PLEKHA7: variants seen among roughly 807,000 people sequenced by gnomAD.
PLEKHA7 encodes pleckstrin homology domain-containing family A member 7.
Under a neutral mutation model 170.0 loss-of-function variants are expected in PLEKHA7, and 104 were observed. The observed-to-expected ratio is 0.61, with a 90% CI of 0.52 to 0.72. The LOEUF is 0.72. Ranked by LOEUF, PLEKHA7 falls within the 30% of genes least tolerant of loss-of-function variation. The pLI is 0.00. For synonymous variants in PLEKHA7, 648 were observed against 660.8 expected (o/e 0.98, Z 0.30); for missense variants, 1,615 against 1,671.7 (o/e 0.97, Z 0.59).
At chr11:16,806,317 G>A (rs1187362316) in intron 13 of PLEKHA7, among the ~76,000 whole-genome samples, 6 of 152,214 alleles carry the variant, frequency 3.9e-5, no homozygotes. Flanking sequence ...ATATCCACGT[G>A]TAGCGTATTA....
At chr11:16,960,274 C>T (rs535112706) in intron 3 of PLEKHA7, among the ~76,000 whole-genome samples, 70 of 152,314 alleles carry the variant, frequency 4.6e-4, no homozygotes, top group African/African-American at 1.6e-3. Flanking sequence ...AAGTCCCACC[C>T]GCCCTGGAGA....
intron 3 of PLEKHA7, among the ~76,000 whole-genome samples, chr11:16,904,113 G>T (rs547834674): frequency 6.6e-6 from 1 of 152,294 alleles, no homozygotes; most frequent in African/African-American, 2.4e-5. Flanking sequence ...TCCATTTTGG[G>T]CTCCCTCTTG....
intron 3 of PLEKHA7, among the ~76,000 whole-genome samples, chr11:16,909,032 C>CCTTTG (rs1172011774): frequency 2.0e-5 from 3 of 152,124 alleles, no homozygotes; most frequent in Admixed American, 2.0e-4. Context: ...TACTCTGTGA[C>CCTTTG]CTTAACCTGT....
intron 3 of PLEKHA7, among the ~76,000 whole-genome samples, chr11:17,000,694 A>G (rs757335149): frequency 1.9e-4 from 29 of 152,222 alleles, no homozygotes; most frequent in Non-Finnish European, 3.8e-4. Flanking sequence ...AAGTTGCCAG[A>G]TACCATTCTA....
intron 3 of PLEKHA7, among the ~76,000 whole-genome samples, chr11:16,885,503 A>AT (rs200772127): frequency 1.2e-3 from 185 of 151,134 alleles, no homozygotes; most frequent in East Asian, 4.1e-3. Context: ...TACTAAAAAA[A>AT]ATATATATAT....
chr11:16,891,518 A>G (rs943691080), intron 3 of PLEKHA7, among the ~76,000 whole-genome samples: 1 of 152,194 alleles, frequency 6.6e-6, no homozygotes, highest in Admixed American at 6.5e-5. Context: ...TGTTGTGGTA[A>G]TTTGTTATAG....
chr11:16,896,314 A>G (rs983096080), intron 3 of PLEKHA7, among the ~76,000 whole-genome samples: 3 of 152,198 alleles, frequency 2.0e-5, no homozygotes, highest in Non-Finnish European at 4.4e-5. Flanking sequence ...TGGCTGTGAC[A>G]TTTCTGTCAT....
At chr11:16,859,021 C>T (rs1453686280) in intron 4 of PLEKHA7, among the ~76,000 whole-genome samples, 1 of 152,164 alleles carries the variant, frequency 6.6e-6, no homozygotes, top group African/African-American at 2.4e-5. Context: ...TGGTCTACAC[C>T]GCTCAAACAC....
chr11:17,005,120 G>A (rs35687335), intron 3 of PLEKHA7, among the ~76,000 whole-genome samples: 5 of 21,314 alleles, frequency 2.3e-4, no homozygotes, highest in Non-Finnish European at 4.6e-4. Flanking sequence ...CAGACTTAAC[G>A]GGGGGGGTAA....
intron 4 of PLEKHA7, 103 bp downstream of exon 4, chr11:16,870,988 ACCCCAAGC>A (rs1854790977): frequency 1.6e-5 from 12 of 735,084 alleles, no homozygotes. Context: ...CAACCCACTC[ACCCCAAGC>A]CCCTCTGTCT....
intron 13 of PLEKHA7, among the ~76,000 whole-genome samples, chr11:16,810,059 T>C (rs893721201): frequency 1.6e-4 from 25 of 152,302 alleles, no homozygotes; most frequent in African/African-American, 6.0e-4. Context: ...GCAGCCCTTG[T>C]TCCACAGGAA....
Position 16,867,938 on chromosome 11 carries a change from A to G in PLEKHA7, c.305+3161T>C, listed in dbSNP as rs141976944. 8.7e-3 allele frequency among the ~76,000 whole-genome samples: 1,323 copies of G among 152,254 alleles called. 21 individuals are homozygous for G. The highest frequency in any genetic ancestry group is 0.03 in the African/African-American group (1,229 of 41,558). On this transcript the variant is annotated intron_variant, in intron 4 of 26. Transcript: ENST00000531066. ...CTTTCATCCCTATCATAGTCAATCA[A>G]TCACCAAATTCTGTTCATTTTACTT...
At chr11:16,936,017 C>T (rs571480673) in intron 3 of PLEKHA7, among the ~76,000 whole-genome samples, 2 of 152,170 alleles carry the variant, frequency 1.3e-5, no homozygotes, top group Non-Finnish European at 1.5e-5. Flanking sequence ...ATGCAGCACA[C>T]GGTAGGTGGC....
intron 3 of PLEKHA7, among the ~76,000 whole-genome samples, chr11:16,884,634 A>C (rs886818823): frequency 5.2e-5 from 6 of 116,264 alleles, no homozygotes; most frequent in Admixed American, 1.6e-4. Context: ...GACTATGTTT[A>C]AAAAAAGAAA....
Position 16,817,165 on chromosome 11 carries a change from G to A in PLEKHA7, c.1501C>T (p.Arg501Ter), listed in dbSNP as rs1304229818. ...LPSDYKYAQD[R>*]ASHLKMSSEE... Reference sequence around the variant, plus strand: ...CTCGACATCTTCAGGTGGCTGGCTCGGTCCTGCGCATACTTGTAGTCACTT... The same window carrying A: ...CTCGACATCTTCAGGTGGCTGGCTCAGTCCTGCGCATACTTGTAGTCACTT... Residue 501 changes from arginine (R) to a stop codon, truncating the protein, a stop_gained, in exon 11 of 27, where the codon CGA (arginine) becomes TGA (stop). Coordinates refer to ENST00000531066, the MANE Select transcript of PLEKHA7 (RefSeq NM_001329630.2). LOFTEE classifies it high-confidence loss of function. The surrounding 1 kb of genome is among the most constrained non-coding windows in gnomAD (Gnocchi z 4.4). The A allele has an allele frequency of 3.7e-6, 6 of 1,614,038 alleles. No individual in the cohort carries two copies. The highest frequency in any genetic ancestry group is 1.3e-5 in the African/African-American group (1 of 74,928).
intron 3 of PLEKHA7, among the ~76,000 whole-genome samples, chr11:16,998,289 C>A (rs563875234): frequency 2.0e-4 from 30 of 152,084 alleles, no homozygotes; most frequent in Non-Finnish European, 3.5e-4. Flanking sequence ...AAACCCAACA[C>A]GAACCTTCAG....
At chr11:16,991,501 G>A (rs920933992) in intron 3 of PLEKHA7, among the ~76,000 whole-genome samples, 2 of 152,060 alleles carry the variant, frequency 1.3e-5, no homozygotes, top group African/African-American at 2.4e-5. Context: ...ATGTCACCCT[G>A]AGAAGATGAC....
chr11:17,009,504 T>C (rs1168473392), intron 3 of PLEKHA7, among the ~76,000 whole-genome samples: 1 of 152,228 alleles, frequency 6.6e-6, no homozygotes, highest in Non-Finnish European at 1.5e-5. Context: ...GGCTGTTATA[T>C]AATTATTACT....
At chr11:16,830,908 T>C (rs910569466) in intron 9 of PLEKHA7, among the ~76,000 whole-genome samples, 18 of 152,244 alleles carry the variant, frequency 1.2e-4, no homozygotes. Context: ...TTAACCATAA[T>C]TCTTAGTCCT....
Sources: allele counts gnomAD v4.1 joint callset (sites outside exome capture counted in the v4.1 genomes callset), GRCh38; gene constraint gnomAD v4.1.1; non-coding constraint Gnocchi (gnomAD v3.1); transcripts MANE v1.5; gene names NCBI Gene and HGNC (gene_info 2026-07-23, HGNC 2026-07-21).